HMCN1: variants seen among roughly 807,000 people sequenced by gnomAD.
HMCN1 encodes hemicentin-1.
In HMCN1, 321 loss-of-function variants were observed where a neutral mutation model predicts 625.9. That is an observed-to-expected ratio of 0.51 (90% confidence interval 0.47 to 0.56). HMCN1 has a LOEUF of 0.56. HMCN1 is among the 20% of genes least tolerant of loss of function. The pLI is 0.00. For synonymous variants in HMCN1, 2,425 were observed against 2,417.6 expected (o/e 1.00, Z -0.09); for missense variants, 6,588 against 6,887.3 (o/e 0.96, Z 1.54).
chr1:185,953,968 G>A (rs796390297), intron 11 of HMCN1, among the ~76,000 whole-genome samples: 97 of 150,820 alleles, frequency 6.4e-4, no homozygotes, highest in African/African-American at 2.2e-3. Context: ...AGTGGGGGTC[G>A]CAAGGTGCTC....
chr1:186,008,120 A>G (rs1009370785), intron 30 of HMCN1, among the ~76,000 whole-genome samples: 4 of 152,156 alleles, frequency 2.6e-5, no homozygotes, highest in Non-Finnish European at 5.9e-5. Context: ...TTATTTACTT[A>G]TGATCTATTT....
At chr1:186,087,848 C>T in intron 60 of HMCN1, 84 bp from the exon 61 acceptor site, 2 of 1,300,842 alleles carry the variant, frequency 1.5e-6, no homozygotes, top group Non-Finnish European at 2.2e-6. Context: ...ATACAGATGA[C>T]TGATGATTTA....
At chr1:185,963,701 C>G (rs1440693377) in intron 12 of HMCN1, 67 bp from the exon 13 acceptor site, 2 of 1,184,620 alleles carry the variant, frequency 1.7e-6, no homozygotes, top group African/African-American at 3.0e-5. Flanking sequence ...AAGGAAAGCA[C>G]TATATTATCT....
At chr1:185,917,057 C>G (rs1350518780) in intron 6 of HMCN1, among the ~76,000 whole-genome samples, 3 of 152,160 alleles carry the variant, frequency 2.0e-5, no homozygotes, top group Non-Finnish European at 1.5e-5. Flanking sequence ...CATAATGACT[C>G]ATGGAGAGTC....
At chr1:186,057,041 A>T (rs879414287) in intron 45 of HMCN1, among the ~76,000 whole-genome samples, 193 bp from the exon 46 acceptor site, 2,871 of 151,496 alleles carry the variant, frequency 0.019, 36 homozygotes, top group South Asian at 0.043. Flanking sequence ...TCACACACAC[A>T]CACACACACA....
At chr1:185,946,457 G>A (rs913252106) in intron 11 of HMCN1, among the ~76,000 whole-genome samples, 5 of 152,158 alleles carry the variant, frequency 3.3e-5, no homozygotes, top group African/African-American at 1.2e-4. Context: ...AAGTAATGGT[G>A]CTAATTATGA....
Position 186,095,269 on chromosome 1 carries a change from G to C in HMCN1, c.10321G>C (p.Gly3441Arg). Residue 3441 changes from glycine (G) to arginine (R), a missense_variant, in exon 68 of 107, where the codon GGG becomes CGG. Around this residue, in one of 3 missense-constraint regions of HMCN1, gnomAD observed 4,628 missense variants for 4,853.1 expected, o/e 0.95. Transcript: ENST00000271588. ...FAPPNMDNSM[G>R]TEEITVLKGS... ...ACCACCAAATATGGACAATTCAATG[G>C]GGACAGAGGAAATCACAGTTCTCAA... 4 of 1,613,694 alleles carry C rather than the reference G, an allele frequency of 2.5e-6. No individual in the cohort carries two copies. Among genetic ancestry groups the C allele is most frequent in the Non-Finnish European group, 3.4e-6 (4 of 1,179,796 alleles).
rs368093029 is a variant in HMCN1, at chr1:186,095,385, T to A, written c.10437T>A (p.Asp3479Glu). 2.5e-6 allele frequency: 4 copies of A among 1,613,658 alleles called. No individual in the cohort carries two copies. In the African/African-American group the frequency reaches 4.0e-5, roughly 16 times the overall value. Residue 3479 changes from aspartate (D) to glutamate (E), a missense_variant, in exon 68 of 107, where the codon GAT (aspartate) becomes GAA (glutamate). This residue lies in a region of HMCN1 where 4,628 missense variants were observed against 4,853.1 expected (regional missense o/e 0.95). Transcript: ENST00000271588. ...GAGATGGCCAGCCTCTGGGGCTTGA[T>A]GCCCATCTGACAGTCAGCACCCATG... ...WLRDGQPLGL[D>E]AHLTVSTHGM... is the part of the protein sequence containing the mutation.
At chr1:186,062,656 C>A in intron 48 of HMCN1, 56 bp downstream of exon 48, 1 of 1,136,538 alleles carries the variant, frequency 8.8e-7, no homozygotes, top group Non-Finnish European at 1.3e-6. Flanking sequence ...ATAGTCATTG[C>A]CTCCACTATA....
At chr1:185,822,532 C>T (rs952081646) in intron 1 of HMCN1, among the ~76,000 whole-genome samples, 4 of 152,138 alleles carry the variant, frequency 2.6e-5, no homozygotes, top group Non-Finnish European at 5.9e-5. Flanking sequence ...TAAATTAAAT[C>T]AACTCCTTCC....
chr1:186,126,304 A>T (rs950690870), intron 82 of HMCN1, among the ~76,000 whole-genome samples: 5 of 152,180 alleles, frequency 3.3e-5, no homozygotes, highest in Admixed American at 3.3e-4. Context: ...ACAAATATTT[A>T]TTGAACACCT....
intron 1 of HMCN1, among the ~76,000 whole-genome samples, chr1:185,769,273 C>A (rs888460572): frequency 1.3e-5 from 2 of 151,946 alleles, no homozygotes; most frequent in African/African-American, 4.8e-5. Flanking sequence ...CATGTCAGGA[C>A]TTCATCTTTA....
intron 36 of HMCN1, among the ~76,000 whole-genome samples, chr1:186,034,670 A>G (rs1397790705): frequency 6.6e-6 from 1 of 152,100 alleles, no homozygotes; most frequent in African/African-American, 2.4e-5. Flanking sequence ...TTCAAGTTTG[A>G]CTGAGCTGGA....
intron 30 of HMCN1, among the ~76,000 whole-genome samples, chr1:186,013,677 TG>T (rs1438990325): frequency 2.6e-5 from 4 of 151,968 alleles, no homozygotes; most frequent in Non-Finnish European, 2.9e-5. Flanking sequence ...AGTAAGGAAG[TG>T]AGTGCAAACA....
rs557816218 is a variant in HMCN1 at position 185,773,173 on chromosome 1, G to A, written c.268+38126G>A. Reference sequence around the variant, plus strand: ...ACCCTCCAGGGGACATTTGGCATTGGCTGGAGACATTTTTGGTTATCACAA... The same window carrying A: ...ACCCTCCAGGGGACATTTGGCATTGACTGGAGACATTTTTGGTTATCACAA... On this transcript the variant is annotated intron_variant, in intron 1 of 106. Transcript: ENST00000271588. 3.3e-5 allele frequency among the ~76,000 whole-genome samples: 5 copies of A among 152,230 alleles called. No individual in the cohort carries two copies. The South Asian group carries it at 1.0e-3, about 32-fold the overall frequency.
intron 2 of HMCN1, among the ~76,000 whole-genome samples, chr1:185,847,964 A>C: frequency 6.7e-6 from 1 of 148,944 alleles, no homozygotes; most frequent in East Asian, 1.9e-4. Context: ...AAAAGAAAGC[A>C]AAAAAAAAAG....
rs774401654 is a variant in HMCN1 at position 186,018,313 on chromosome 1, G to T, written c.5431G>T (p.Ala1811Ser). 6.2e-7 allele frequency: 1 copy of T among 1,612,900 alleles called. No homozygotes were observed. Among genetic ancestry groups the T allele is most frequent in the South Asian group, 1.1e-5 (1 of 91,060 alleles). The change falls in exon 34 of 107, where the codon GCT (alanine) becomes TCT (serine). Residue 1811 changes from alanine to serine, a missense_variant. By Grantham distance (99) the Ala-to-Ser change is moderately conservative (BLOSUM62 1). This residue lies in a region of HMCN1 where 4,628 missense variants were observed against 4,853.1 expected (regional missense o/e 0.95). Transcript: ENST00000271588. ...TTATCGGTGCATGGCAGCAAATACT[G>T]CTGGAGACCACAAGAAGGAATTTGA... ...GLYRCMAANT[A>S]GDHKKEFEVT...
chr1:185,948,464 G>A (rs1455963254), intron 11 of HMCN1, among the ~76,000 whole-genome samples: 1 of 150,872 alleles, frequency 6.6e-6, no homozygotes, highest in Non-Finnish European at 1.5e-5. Flanking sequence ...TTGTTCTCTG[G>A]TGGGCAGGAG....
At chr1:185,969,514 T>C (rs1476199023) in intron 14 of HMCN1, among the ~76,000 whole-genome samples, 1 of 152,164 alleles carries the variant, frequency 6.6e-6, no homozygotes, top group Non-Finnish European at 1.5e-5. Flanking sequence ...GTTTGCTTCT[T>C]AGAAGCTAAG....
Sources: allele counts gnomAD v4.1 joint callset (sites outside exome capture counted in the v4.1 genomes callset), GRCh38; gene constraint gnomAD v4.1.1; regional missense constraint gnomAD v4.1.1; transcripts MANE v1.5; gene names NCBI Gene and HGNC (gene_info 2026-07-23, HGNC 2026-07-21).